ZMIZ1: variants seen among roughly 807,000 people sequenced by gnomAD.
ZMIZ1 encodes zinc finger MIZ domain-containing protein 1.
A neutral mutation model predicts 113.9 loss-of-function variants in ZMIZ1; 17 were observed. That is an observed-to-expected ratio of 0.15 (90% CI 0.10 to 0.22). The LOEUF (loss-of-function observed/expected upper bound fraction) is 0.22, where lower values mean the gene tolerates loss of function less well. Among genes scored for constraint, ZMIZ1 ranks in the 10% least tolerant of loss-of-function variants. ZMIZ1 has a pLI of 1.00. For synonymous variants in ZMIZ1, 607 were observed against 603.1 expected (o/e 1.01, Z -0.09); for missense variants, 1,059 against 1,477.8 (o/e 0.72, Z 4.65).
chr10:79,260,956 C>T (rs1191363704), intron 7 of ZMIZ1, among the ~76,000 whole-genome samples: 2 of 152,200 alleles, frequency 1.3e-5, no homozygotes, highest in Non-Finnish European at 2.9e-5. Context: ...AGAAAGGAGG[C>T]GTGTCTCATT....
chr10:79,169,036 G>A (rs1815314), intron 4 of ZMIZ1, among the ~76,000 whole-genome samples: 59,312 of 152,084 alleles, frequency 0.39, 11,934 homozygotes, highest in Middle Eastern at 0.44. Flanking sequence ...TTCTGGGACC[G>A]TCTACCGCTC....
At chr10:79,188,936 G>T (rs528677518) in intron 4 of ZMIZ1, among the ~76,000 whole-genome samples, 3 of 152,280 alleles carry the variant, frequency 2.0e-5, no homozygotes, top group Admixed American at 1.3e-4. Context: ...GGAATGCTTC[G>T]CTCAGGAGCA....
Position 79,293,384 on chromosome 10 carries a change from G to T in ZMIZ1, c.961G>T (p.Gly321Cys). The T allele has an allele frequency of 6.6e-7, 1 of 1,509,802 alleles. No homozygotes were observed. Among genetic ancestry groups the T allele is most frequent in the Non-Finnish European group, 8.9e-7 (1 of 1,129,284 alleles). 93.5% of individuals were successfully genotyped at this position (1,509,802 alleles called of 1,614,324 possible). The change falls in exon 12 of 25, where the codon GGT becomes TGT. Residue 321 changes from glycine (G) to cysteine (C), a missense_variant. This residue lies in a region of ZMIZ1 where 83 missense variants were observed against 103.7 expected (regional missense o/e 0.80). Transcript: ENST00000334512. Reference sequence around the variant, plus strand: ...GAAGGTCTGTTCCTCTTTCCAGATGGGTCCCACCCAGGCGTATAACAGCCA... The same window carrying T: ...GAAGGTCTGTTCCTCTTTCCAGATGTGTCCCACCCAGGCGTATAACAGCCA... The part of the protein sequence containing the change: ...NKDINQYGPM[G>C]PTQAYNSQFM...
intron 7 of ZMIZ1, among the ~76,000 whole-genome samples, chr10:79,226,118 A>G (rs553308788): frequency 6.6e-6 from 1 of 152,328 alleles, no homozygotes; most frequent in East Asian, 1.9e-4. Context: ...GGGAGATGGC[A>G]GTAACCGTGC....
chr10:79,183,358 G>GCGCACA (rs1012739667), intron 4 of ZMIZ1, among the ~76,000 whole-genome samples: 32 of 150,804 alleles, frequency 2.1e-4, no homozygotes, highest in African/African-American at 3.9e-4. Flanking sequence ...TCGTGCACGC[G>GCGCACA]CACACACACA....
chr10:79,303,024 G>C (rs1247277592), intron 18 of ZMIZ1, among the ~76,000 whole-genome samples: 1 of 151,996 alleles, frequency 6.6e-6, no homozygotes, highest in Non-Finnish European at 1.5e-5. Flanking sequence ...ACCGCACCTG[G>C]CTAATTTTTT....
chr10:79,133,006 G>A (rs1844837515), intron 2 of ZMIZ1, among the ~76,000 whole-genome samples: 1 of 152,168 alleles, frequency 6.6e-6, no homozygotes, highest in Admixed American at 6.5e-5. Flanking sequence ...GGGAGGGGAA[G>A]CTAAGAAAAG....
At chr10:79,090,787 G>C (rs1429712010) in intron 1 of ZMIZ1, among the ~76,000 whole-genome samples, 1 of 152,238 alleles carries the variant, frequency 6.6e-6, no homozygotes, top group African/African-American at 2.4e-5. Context: ...TTTGGGGGGT[G>C]CCCACTTTGA....
intron 3 of ZMIZ1, among the ~76,000 whole-genome samples, chr10:79,151,086 G>A (rs984780246): frequency 1.3e-5 from 2 of 152,108 alleles, no homozygotes; most frequent in Non-Finnish European, 2.9e-5. Flanking sequence ...ACATTGGATG[G>A]GTTAAGACAG....
intron 1 of ZMIZ1, among the ~76,000 whole-genome samples, chr10:79,117,420 T>C (rs554322181): frequency 2.0e-4 from 31 of 152,350 alleles, no homozygotes; most frequent in African/African-American, 7.2e-4. Flanking sequence ...GAGTCAACAT[T>C]GTGTTTGCAA....
chr10:79,094,873 C>T (rs1843118177), intron 1 of ZMIZ1, among the ~76,000 whole-genome samples: 1 of 151,970 alleles, frequency 6.6e-6, no homozygotes, highest in Non-Finnish European at 1.5e-5. Context: ...TGCTTGAGCC[C>T]AGGAGGTCGA....
rs1235029951 is a variant in ZMIZ1, at chr10:79,069,298, C to G, written c.-337+28C>G. On this transcript the variant is annotated intron_variant, in intron 1 of 24. Transcript: ENST00000334512. This position sits in a 1 kb window ranked among gnomAD's most constrained non-coding sequence, Gnocchi z 4.6. ...AAGTTTGGGGCCAGAGCCAGGCGCC[C>G]GCTGGCTCCGGGGCTACCTCCCGCT... The G allele has an allele frequency of 6.6e-6, 1 of 150,584 alleles. No homozygotes were observed. Among genetic ancestry groups the G allele is most frequent in the South Asian group, 2.1e-4 (1 of 4,846 alleles). The allele number at this position is 150,584 out of a possible 1,614,324, so 9.3% of individuals were successfully genotyped here. A position where few individuals can be genotyped will look rare whatever the true frequency, so the allele number is the denominator to read the frequency against.
chr10:79,208,251 G>T (rs1848411154), intron 5 of ZMIZ1, 85 bp from the exon 6 acceptor site: 4 of 1,175,288 alleles, frequency 3.4e-6, no homozygotes, highest in Non-Finnish European at 5.0e-6. Context: ...AGTGAGGCTG[G>T]GTTCTTCCCA....
rs200050423 is a variant in ZMIZ1, at chr10:79,311,077, G to A, written c.2989G>A (p.Ala997Thr). The A allele has an allele frequency of 9.5e-5, 153 of 1,613,494 alleles. No homozygotes were observed. The highest frequency in any genetic ancestry group is 7.4e-4 in the East Asian group (33 of 44,878). The change falls in exon 24 of 25, where the codon GCT (alanine) becomes ACT (threonine). Residue 997 changes from alanine to threonine, a missense_variant. Physicochemically the swap from Ala to Thr is moderately conservative, Grantham distance 58. This residue lies in a region of ZMIZ1 where 225 missense variants were observed against 276.0 expected (regional missense o/e 0.82). Coordinates refer to ENST00000334512, the MANE Select transcript of ZMIZ1 (RefSeq NM_020338.4). ...GCCTCCCCGGCAGCCGCCACAGGCC[G>A]CTCCCAGCAGCCATCCACACAGCGA... ...SQPPRQPPQAAPSSHPHSDLT... is the reference protein window; with the variant it reads ...SQPPRQPPQATPSSHPHSDLT...
intron 7 of ZMIZ1, among the ~76,000 whole-genome samples, chr10:79,269,971 C>A (rs1437671885): frequency 6.6e-6 from 1 of 152,240 alleles, no homozygotes; most frequent in East Asian, 1.9e-4. Context: ...CCACCCTCCT[C>A]ACCTGGCACT....
intron 19 of ZMIZ1, 101 bp from the exon 20 acceptor site, chr10:79,305,063 T>C: frequency 1.5e-6 from 2 of 1,356,044 alleles, no homozygotes; most frequent in Non-Finnish European, 2.1e-6. Flanking sequence ...CCACAGCCTA[T>C]CTTTCTCTCT....
intron 15 of ZMIZ1, 31 bp downstream of exon 15, chr10:79,298,611 T>A: frequency 1.9e-6 from 3 of 1,571,504 alleles, no homozygotes; most frequent in Admixed American, 2.0e-5. Context: ...TCTTGGCAGC[T>A]CCACCTGGGC....
intron 4 of ZMIZ1, among the ~76,000 whole-genome samples, chr10:79,174,448 G>C (rs553496440): frequency 6.6e-6 from 1 of 152,336 alleles, no homozygotes; most frequent in South Asian, 2.1e-4. Flanking sequence ...CCATTTGATG[G>C]GCAGTGGGGA....
intron 2 of ZMIZ1, among the ~76,000 whole-genome samples, chr10:79,130,547 C>A (rs1314814805): frequency 2.0e-5 from 3 of 152,236 alleles, no homozygotes; most frequent in Non-Finnish European, 2.9e-5. Context: ...CATGCCCCAG[C>A]TCCCAGAGGG....
Sources: allele counts gnomAD v4.1 joint callset (sites outside exome capture counted in the v4.1 genomes callset), GRCh38; gene constraint gnomAD v4.1.1; regional missense constraint gnomAD v4.1.1; non-coding constraint Gnocchi (gnomAD v3.1); transcripts MANE v1.5; gene names NCBI Gene and HGNC (gene_info 2026-07-23, HGNC 2026-07-21).